The following MMD2 variants were observed in gnomAD, a reference collection of about 807,000 sequenced individuals.
MMD2 encodes monocyte to macrophage differentiation associated 2, also known as monocyte to macrophage differentiation factor 2.
A neutral mutation model predicts 33.5 loss-of-function variants in MMD2; 30 were observed. The observed-to-expected ratio is 0.90, with a 90% CI of 0.67 to 1.22. The LOEUF (loss-of-function observed/expected upper bound fraction) is 1.22, where lower values mean the gene tolerates loss of function less well. Among genes scored for constraint, MMD2 ranks in the 50% most tolerant of loss-of-function variants. MMD2 has a pLI of 0.00. For missense variants in MMD2, 364 were observed against 325.4 expected, an observed-to-expected ratio of 1.12 and a Z score of -0.91; for synonymous variants, 129 against 123.0, an observed-to-expected ratio of 1.05 and a Z score of -0.32.
At chr7:4,910,333 G>C (rs1451617436) in intron 5 of MMD2, among the ~76,000 whole-genome samples, 1 of 152,122 alleles carries the variant, frequency 6.6e-6, no homozygotes, top group Non-Finnish European at 1.5e-5. Flanking sequence ...CAATTGAGCT[G>C]GGTTGCTGCA....
At chr7:4,897,228 A>T in the MMD2 span, among the ~76,000 whole-genome samples, 99 of 111,884 alleles carry the variant, frequency 8.8e-4, no homozygotes, top group African/African-American at 3.5e-3. Context: ...TGTTATATTT[A>T]AAAAAAAAAA....
chr7:4,903,009 G>A (rs377125884), downstream of MMD2, among the ~76,000 whole-genome samples: 7 of 152,182 alleles, frequency 4.6e-5, no homozygotes, highest in Admixed American at 2.0e-4. Context: ...CGGCCGAGGC[G>A]GGCAGATCAC....
intron 1 of MMD2, among the ~76,000 whole-genome samples, chr7:4,947,202 C>A (rs984667252): frequency 6.6e-6 from 1 of 151,676 alleles, no homozygotes; most frequent in Non-Finnish European, 1.5e-5. Flanking sequence ...AGCAAGACTC[C>A]GTCTCAAACA....
In MMD2 at chr7:4,906,351, G is replaced by T. The variant is rs533664947; in HGVS notation, c.*1045C>A. Reference sequence around the variant, plus strand: ...TCAGAGGTTGGGAGGACCTGGAACAGTCGCCCCAGATCCATGTGCCTTCTG... The same window carrying T: ...TCAGAGGTTGGGAGGACCTGGAACATTCGCCCCAGATCCATGTGCCTTCTG... On this transcript the variant is annotated 3_prime_UTR_variant, in exon 7 of 7. Coordinates refer to ENST00000401401, the MANE Select transcript of MMD2 (RefSeq NM_198403.4). The T allele has an allele frequency of 3.4e-4, 136 of 396,000 alleles. No homozygotes were observed. Among genetic ancestry groups the T allele is most frequent in the African/African-American group, 2.1e-3 (102 of 48,666 alleles). 24.5% of individuals were successfully genotyped at this position (396,000 alleles called of 1,614,324 possible). A position where few individuals can be genotyped will look rare whatever the true frequency, so the allele number is the denominator to read the frequency against.
At chr7:4,903,937 A>G (rs575507042), downstream of MMD2, among the ~76,000 whole-genome samples, 2 of 149,000 alleles carry the variant, frequency 1.3e-5, no homozygotes, top group South Asian at 2.1e-4. Context: ...TGCCCTCCCC[A>G]CCCTTTTTTT....
rs914161205 is a variant in MMD2, at chr7:4,946,956, C to T, written c.47+12015G>A. ...GGTGTGGTGGCTCATACCTGTAATCCCAGCACTTTGGGAGACCGAGATGGG... is the reference window on the plus strand; with the variant it reads ...GGTGTGGTGGCTCATACCTGTAATCTCAGCACTTTGGGAGACCGAGATGGG... On this transcript the variant is annotated intron_variant, in intron 1 of 6. Coordinates refer to ENST00000401401, the MANE Select transcript of MMD2 (RefSeq NM_198403.4). The surrounding 1 kb of genome is among the most constrained non-coding windows in gnomAD (Gnocchi z 5.0). Among the ~76,000 whole-genome samples, 1 of 152,018 alleles carries T rather than the reference C, an allele frequency of 6.6e-6. No homozygotes were observed. The highest frequency in any genetic ancestry group is 1.5e-5 in the Non-Finnish European group (1 of 68,012).
intron 1 of MMD2, among the ~76,000 whole-genome samples, chr7:4,948,212 C>T (rs887513550): frequency 6.6e-6 from 1 of 152,152 alleles, no homozygotes; most frequent in South Asian, 2.1e-4. Context: ...CTATGAACTG[C>T]ATGTTGGCAT....
intron 1 of MMD2, among the ~76,000 whole-genome samples, chr7:4,941,821 A>G (rs1184654497): frequency 1.3e-5 from 2 of 151,652 alleles, no homozygotes; most frequent in Non-Finnish European, 2.9e-5. Context: ...TATCTTCTTA[A>G]TAGCACCAGG....
chr7:4,923,760 A>G (rs1446301710), intron 2 of MMD2, among the ~76,000 whole-genome samples: 1 of 152,148 alleles, frequency 6.6e-6, no homozygotes, highest in African/African-American at 2.4e-5. Flanking sequence ...CCTACGATGC[A>G]CACAGCATGG....
At chr7:4,908,699 C>G (rs1053553248) in intron 6 of MMD2, among the ~76,000 whole-genome samples, 89 of 151,748 alleles carry the variant, frequency 5.9e-4, no homozygotes, top group African/African-American at 2.0e-3. Flanking sequence ...GAGTTCGAGA[C>G]CAGCCTGGCC....
Position 4,910,004 on chromosome 7 carries a change from C to A in MMD2, c.468-54G>T, listed in dbSNP as rs770373590. On this transcript the variant is annotated intron_variant, in intron 5 of 6. Coordinates refer to ENST00000401401, the MANE Select transcript of MMD2 (RefSeq NM_198403.4). The stretch of plus-strand genomic sequence containing the variant: ...TAGGACATGCCTCCCCACGAAGAAA[C>A]TGCACACAGCTCCCTGTTCTTGGGG... 5 of 1,613,856 alleles carry A rather than the reference C, an allele frequency of 3.1e-6. No homozygotes were observed. The highest frequency in any genetic ancestry group is 1.7e-5 in the Admixed American group (1 of 60,002).
At chr7:4,898,087 G>A in the MMD2 span, among the ~76,000 whole-genome samples, 1 of 152,120 alleles carries the variant, frequency 6.6e-6, no homozygotes, top group Non-Finnish European at 1.5e-5. Flanking sequence ...GCTGGCTTAA[G>A]TTCAGGGCCA....
At chr7:4,908,213 T>C (rs62451394) in intron 6 of MMD2, among the ~76,000 whole-genome samples, 7,469 of 150,316 alleles carry the variant, frequency 0.05, 272 homozygotes, top group East Asian at 0.19. Flanking sequence ...GAGATCTCAG[T>C]TCACTGCGAC....
intron 1 of MMD2, among the ~76,000 whole-genome samples, chr7:4,942,058 A>G (rs1785925019): frequency 6.6e-6 from 1 of 151,946 alleles, no homozygotes; most frequent in Non-Finnish European, 1.5e-5. Flanking sequence ...GGTTCAAGTG[A>G]TCCTCCTGCC....
chr7:4,953,176 C>A (rs191207265), intron 1 of MMD2, among the ~76,000 whole-genome samples: 2 of 151,754 alleles, frequency 1.3e-5, no homozygotes, highest in Non-Finnish European at 2.9e-5. Flanking sequence ...CTCACCTGGA[C>A]GTATTCCTAT....
In MMD2 at chr7:4,909,912, C is replaced by G. The variant is rs1253426119; in HGVS notation, c.506G>C (p.Gly169Ala). 1 of 1,613,874 alleles carries G rather than the reference C, an allele frequency of 6.2e-7. No homozygotes were observed. The change falls in exon 6 of 7, where the codon GGC (glycine) becomes GCC (alanine). Residue 169 changes from glycine to alanine, a missense_variant. Gly to Ala is a moderately conservative substitution (Grantham distance 60, BLOSUM62 0). Coordinates refer to ENST00000401401, the MANE Select transcript of MMD2 (RefSeq NM_198403.4). ...GAGGATGACCAGGGCGGGGAAGAAGCCCATTACGACGTAGCAGAGAAGCTC... is the reference window on the plus strand; with the variant it reads ...GAGGATGACCAGGGCGGGGAAGAAGGCCATTACGACGTAGCAGAGAAGCTC... ...LVELLCYVVM[G>A]FFPALVILSM...
intron 1 of MMD2, among the ~76,000 whole-genome samples, chr7:4,948,458 G>C (rs1786152095): frequency 1.3e-5 from 2 of 152,136 alleles, no homozygotes; most frequent in East Asian, 1.9e-4. Flanking sequence ...GGGAGGCAGA[G>C]GTTGCAGTGA....
At chr7:4,948,629 C>A (rs909035831) in intron 1 of MMD2, among the ~76,000 whole-genome samples, 1 of 152,056 alleles carries the variant, frequency 6.6e-6, no homozygotes, top group Admixed American at 6.6e-5. Flanking sequence ...GAGGGTGGAG[C>A]CCTCACAAAT....
chr7:4,945,241 T>TTCTTCTTCTTCTTCTTCTTC (rs1562493940), intron 1 of MMD2, among the ~76,000 whole-genome samples: 2 of 147,452 alleles, frequency 1.4e-5, no homozygotes, highest in African/African-American at 5.1e-5. Context: ...TTCTTCTTCC[T>TTCTTCTTCTTCTTCTTCTTC]CTCTCTCTTT....
Sources: allele counts gnomAD v4.1 joint callset (sites outside exome capture counted in the v4.1 genomes callset), GRCh38; gene constraint gnomAD v4.1.1; non-coding constraint Gnocchi (gnomAD v3.1); transcripts MANE v1.5; gene names NCBI Gene and HGNC (gene_info 2026-07-23, HGNC 2026-07-21).